TRAK1: variants seen among roughly 807,000 people sequenced by gnomAD.
The protein encoded by TRAK1 is trafficking kinesin protein 1.
TRAK1 carries 33 observed loss-of-function variants against 92.1 expected under a neutral mutation model. The ratio of observed to expected loss-of-function variants is 0.36; its 90% CI spans 0.27 to 0.48. TRAK1 has a LOEUF of 0.48. Among genes scored for constraint, TRAK1 ranks in the 20% least tolerant of loss-of-function variants. The pLI is 0.99. For missense variants in TRAK1, 1,123 were observed against 1,257.9 expected (o/e 0.89, Z 1.62); for synonymous variants, 521 against 517.3 (o/e 1.01, Z -0.10).
intron 2 of TRAK1, among the ~76,000 whole-genome samples, chr3:42,141,792 TAGGGCCCACCTCAATCC>T (rs1423590904): frequency 6.6e-6 from 1 of 152,196 alleles, no homozygotes; most frequent in Non-Finnish European, 1.5e-5. Flanking sequence ...TCATTGGATT[TAGGGCCCACCTCAATCC>T]AGGATGATGT....
At chr3:42,158,820 G>A (rs1319282571) in intron 2 of TRAK1, among the ~76,000 whole-genome samples, 1 of 149,684 alleles carries the variant, frequency 6.7e-6, no homozygotes, top group African/African-American at 2.4e-5. Flanking sequence ...TTAGCCAGGT[G>A]TGGTGGCAGG....
chr3:42,019,297 A>G (rs1193637485), intron 1 of TRAK1, among the ~76,000 whole-genome samples: 1 of 152,124 alleles, frequency 6.6e-6, no homozygotes, highest in Non-Finnish European at 1.5e-5. Context: ...TGCTTTTTTT[A>G]GAGATAGAAT....
At chr3:42,176,944 G>A (rs1576807256) in intron 3 of TRAK1, 54 bp downstream of exon 3, 1 of 1,501,470 alleles carries the variant, frequency 6.7e-7, no homozygotes, top group Non-Finnish European at 9.3e-7. Context: ...TGGTTTTCAT[G>A]GATACTGATT....
rs1707722525 is a variant in TRAK1 at position 42,202,158 on chromosome 3, G to T, written c.1428-278G>T. Among the ~76,000 whole-genome samples, 1 of 152,158 alleles carries T rather than the reference G, an allele frequency of 6.6e-6. No individual in the cohort carries two copies. Among genetic ancestry groups the T allele is most frequent in the Non-Finnish European group, 1.5e-5 (1 of 68,032 alleles). On this transcript the variant is annotated intron_variant, in intron 12 of 15. Coordinates refer to ENST00000327628, the MANE Select transcript of TRAK1 (RefSeq NM_001042646.3). The surrounding 1 kb of genome is among the most constrained non-coding windows in gnomAD (Gnocchi z 6.1). ...TTTCTTCCTAAAGGTTCTTCAGGGA[G>T]ATGTTTACAGGGACTGAATTTACTT...
chr3:42,152,609 CTGAT>C lies in TRAK1; in HGVS notation c.287-24200_287-24197del, dbSNP rs1357209447. Among the ~76,000 whole-genome samples, 3 of 152,154 alleles carry C rather than the reference CTGAT, an allele frequency of 2.0e-5. No individual in the cohort carries two copies. The East Asian group carries it at 5.8e-4, about 29-fold the overall frequency. On this transcript the variant is annotated intron_variant, in intron 2 of 15. Transcript: ENST00000327628. ...CATCACGTGTGTTTGGGAAACTGTG[CTGAT>C]TGATGTCCATGGAAAGCAGCCTCAG...
chr3:42,071,803 G>A (rs982768201), intron 1 of TRAK1, among the ~76,000 whole-genome samples: 5 of 151,524 alleles, frequency 3.3e-5, no homozygotes, highest in African/African-American at 9.7e-5. Context: ...AATGTGGGCT[G>A]CAGGCCATCC....
At chr3:42,199,324 A>G (rs1707195661) in intron 11 of TRAK1, 71 bp downstream of exon 11, 1 of 1,474,806 alleles carries the variant, frequency 6.8e-7, no homozygotes, top group Non-Finnish European at 9.4e-7. Context: ...TTCAAAACCT[A>G]GCAATGTTGA....
intron 1 of TRAK1, among the ~76,000 whole-genome samples, chr3:42,037,336 T>G (rs1702362573): frequency 6.6e-6 from 1 of 152,224 alleles, no homozygotes; most frequent in East Asian, 1.9e-4. Context: ...ATTCACTGGC[T>G]TATGGATTTT....
chr3:42,135,203 A>G (rs1409352431), intron 2 of TRAK1, among the ~76,000 whole-genome samples: 1 of 152,092 alleles, frequency 6.6e-6, no homozygotes, highest in Non-Finnish European at 1.5e-5. Context: ...CATTTCACCT[A>G]CTGTCCCCTG....
chr3:42,181,502 C>G (rs1298884557), intron 3 of TRAK1, among the ~76,000 whole-genome samples: 1 of 152,204 alleles, frequency 6.6e-6, no homozygotes, highest in East Asian at 1.9e-4. Flanking sequence ...TGAGATCATG[C>G]CACTGCACTC....
intron 1 of TRAK1, among the ~76,000 whole-genome samples, chr3:42,100,203 C>T (rs569948764): frequency 6.6e-6 from 1 of 152,218 alleles, no homozygotes; most frequent in South Asian, 2.1e-4. Flanking sequence ...CCCATCTCTA[C>T]AAAAAATACA....
intron 1 of TRAK1, among the ~76,000 whole-genome samples, chr3:42,022,629 G>C (rs1320841640): frequency 6.6e-6 from 1 of 151,828 alleles, no homozygotes; most frequent in Non-Finnish European, 1.5e-5. Flanking sequence ...AGTTGAAGCA[G>C]AAGGATCGCT....
At chr3:42,021,538 C>T (rs1264670354) in intron 1 of TRAK1, among the ~76,000 whole-genome samples, 7 of 152,148 alleles carry the variant, frequency 4.6e-5, no homozygotes, top group Admixed American at 4.6e-4. Context: ...CTGTTTATGA[C>T]AGGCAGCTTC....
chr3:42,165,662 C>T (rs570880238), intron 2 of TRAK1, among the ~76,000 whole-genome samples: 45 of 152,254 alleles, frequency 3.0e-4, no homozygotes, highest in African/African-American at 9.6e-4. Context: ...GTAGTGTCAT[C>T]GGCAGCACTC....
chr3:42,038,778 A>G (rs1200559992), intron 1 of TRAK1, among the ~76,000 whole-genome samples: 1 of 131,402 alleles, frequency 7.6e-6, no homozygotes, highest in Non-Finnish European at 1.6e-5. Context: ...ACAGAGTGAG[A>G]CTTCATCTCA....
chr3:42,174,262 A>C (rs1218874833), intron 2 of TRAK1, among the ~76,000 whole-genome samples: 2 of 152,166 alleles, frequency 1.3e-5, no homozygotes, highest in Non-Finnish European at 2.9e-5. Context: ...AAAGCTTTAT[A>C]AAATAGCAAC....
intron 1 of TRAK1, among the ~76,000 whole-genome samples, chr3:42,019,223 C>T (rs913810679): frequency 2.6e-5 from 4 of 152,140 alleles, no homozygotes; most frequent in Non-Finnish European, 5.9e-5. Context: ...TATGCATATA[C>T]AGAACCACGG....
At position 42,176,518 on chromosome 3, in the gene TRAK1, C is replaced by T. The variant is rs141360456; in HGVS notation, c.287-296C>T. On this transcript the variant is annotated intron_variant, in intron 2 of 15. Transcript: ENST00000327628. Reference sequence around the variant, plus strand: ...TTCAGTTTGCTGAATATCTGTGAGGCCAGACCCCCTTCCACTCCATTGCTT... The same window carrying T: ...TTCAGTTTGCTGAATATCTGTGAGGTCAGACCCCCTTCCACTCCATTGCTT... Among the ~76,000 whole-genome samples, 999 of 152,234 alleles carry T rather than the reference C, an allele frequency of 6.6e-3. 6 individuals are homozygous for T. Among genetic ancestry groups the T allele is most frequent in the African/African-American group, 0.021 (877 of 41,544 alleles).
intron 1 of TRAK1, among the ~76,000 whole-genome samples, chr3:42,119,882 AG>A (rs1709628509): frequency 6.6e-6 from 1 of 152,156 alleles, no homozygotes; most frequent in South Asian, 2.1e-4. Flanking sequence ...GTAGAAACGT[AG>A]AGGCAGAATG....
Sources: gnomAD v4.1 joint callset for allele counts (sites outside exome capture counted in the v4.1 genomes callset) on GRCh38, gnomAD v4.1.1 for gene constraint, Gnocchi (gnomAD v3.1) non-coding constraint, MANE v1.5 for transcripts, NCBI Gene and HGNC (gene_info 2026-07-23, HGNC 2026-07-21) for gene names.